Variants in NBEA observed in about 807,000 individuals in gnomAD.
The protein encoded by NBEA is lysosomal-trafficking regulator 2.
A neutral mutation model predicts 343.4 loss-of-function variants in NBEA; 44 were observed. The observed-to-expected ratio is 0.13, with a 90% confidence interval of 0.10 to 0.16. The LOEUF (loss-of-function observed/expected upper bound fraction) is 0.16, where lower values mean the gene tolerates loss of function less well. Among genes scored for constraint, NBEA ranks in the 10% least tolerant of loss-of-function variants. The pLI is 1.00. For synonymous variants in NBEA, 1,175 were observed against 1,238.7 expected, an observed-to-expected ratio of 0.95 and a Z score of 1.08; for missense variants, 2,555 against 3,631.3, an observed-to-expected ratio of 0.70 and a Z score of 7.62.
chr13:35,506,009 A>G (rs996825877), intron 41 of NBEA, among the ~76,000 whole-genome samples: 2 of 152,178 alleles, frequency 1.3e-5, no homozygotes, highest in Admixed American at 1.3e-4. Flanking sequence ...CACCAGATCC[A>G]TACTAATTCA....
intron 1 of NBEA, among the ~76,000 whole-genome samples, chr13:34,995,843 A>G (rs1377642412): frequency 6.6e-6 from 1 of 152,218 alleles, no homozygotes; most frequent in Non-Finnish European, 1.5e-5. Context: ...ATTTTATTTA[A>G]CAGGTTAAAA....
At chr13:35,602,383 C>G (rs2082093664) in intron 47 of NBEA, among the ~76,000 whole-genome samples, 1 of 152,178 alleles carries the variant, frequency 6.6e-6, no homozygotes, top group Non-Finnish European at 1.5e-5. Flanking sequence ...CTACTTCTCC[C>G]TAGACTTCTT....
At chr13:35,392,778 A>G (rs1261191471) in intron 38 of NBEA, among the ~76,000 whole-genome samples, 1 of 152,172 alleles carries the variant, frequency 6.6e-6, no homozygotes, top group East Asian at 1.9e-4. Context: ...CTTTGAATAA[A>G]TGGGACTTTT....
chr13:35,002,307 G>A (rs1566147190), intron 1 of NBEA, among the ~76,000 whole-genome samples: 1 of 152,076 alleles, frequency 6.6e-6, no homozygotes, highest in Non-Finnish European at 1.5e-5. Flanking sequence ...GTCCTACAAT[G>A]GGGAAAAATT....
chr13:35,624,950 A>T (rs924165245), intron 48 of NBEA, among the ~76,000 whole-genome samples: 2 of 152,074 alleles, frequency 1.3e-5, no homozygotes, highest in Non-Finnish European at 2.9e-5. Flanking sequence ...TACACAGTAA[A>T]GATAATACCA....
chr13:35,041,592 T>C (rs1226555195), intron 2 of NBEA, among the ~76,000 whole-genome samples: 1 of 152,058 alleles, frequency 6.6e-6, no homozygotes, highest in African/African-American at 2.4e-5. Context: ...CAGGAGGTAC[T>C]AAAAGCCTTA....
At chr13:35,468,108 A>ACCCCCCCC (rs1346379931) in intron 40 of NBEA, among the ~76,000 whole-genome samples, 5 of 81,232 alleles carry the variant, frequency 6.2e-5, no homozygotes, top group Non-Finnish European at 1.0e-4. Context: ...AATGATTTAC[A>ACCCCCCCC]CCCCCCCCCC....
In NBEA at chr13:35,452,379, A is replaced by G. The variant is rs2046352771; in HGVS notation, c.6448+144A>G. Reference sequence around the variant, plus strand: ...GAATGTTAAAACTCTACTTTATCTCATTTCTAATATTGAAGAGAGAACCCC... The same window carrying G: ...GAATGTTAAAACTCTACTTTATCTCGTTTCTAATATTGAAGAGAGAACCCC... On this transcript the variant is annotated intron_variant, in intron 40 of 58. Transcript: ENST00000379939. 9 of 642,624 alleles carry G rather than the reference A, an allele frequency of 1.4e-5. No homozygotes were observed. The South Asian group carries it at 1.9e-4, about 13-fold the overall frequency. The allele number at this position is 642,624 out of a possible 1,614,324, so 39.8% of individuals were successfully genotyped here.
Position 35,531,197 on chromosome 13 carries a change from G to GA in NBEA, c.6586-19269dup, listed in dbSNP as rs926244575. Among the ~76,000 whole-genome samples the GA allele has an allele frequency of 7.5e-4, 110 of 147,004 alleles. 1 individual carries two copies. Among genetic ancestry groups the GA allele is most frequent in the African/African-American group, 2.3e-3 (92 of 40,140 alleles). On this transcript the variant is annotated intron_variant, in intron 41 of 58. Coordinates refer to ENST00000379939, the MANE Select transcript of NBEA (RefSeq NM_001385012.1). ...ACTTTTAGAACTGCAGAATTGGAAA[G>GA]AAAAAAAAAAATCTTCAGCCAAGAA...
chr13:35,125,745 T>C (rs2067092449), intron 17 of NBEA, among the ~76,000 whole-genome samples: 1 of 152,130 alleles, frequency 6.6e-6, no homozygotes, highest in Admixed American at 6.5e-5. Context: ...AGTACATGAA[T>C]AGCACTTAGC....
At chr13:35,528,541 A>T (rs559911931) in intron 41 of NBEA, among the ~76,000 whole-genome samples, 1 of 152,292 alleles carries the variant, frequency 6.6e-6, no homozygotes, top group East Asian at 1.9e-4. Flanking sequence ...ACAGGAGAAA[A>T]ATTGTCTTAG....
chr13:35,082,788 G>A (rs2064492326), intron 10 of NBEA, among the ~76,000 whole-genome samples: 2 of 151,948 alleles, frequency 1.3e-5, no homozygotes, highest in South Asian at 4.2e-4. Context: ...TTGTAAATTT[G>A]TTTGAGTTCA....
chr13:35,104,248 TC>T (rs1331809478), intron 11 of NBEA, among the ~76,000 whole-genome samples: 1 of 151,924 alleles, frequency 6.6e-6, no homozygotes, highest in African/African-American at 2.4e-5. Flanking sequence ...AGAAATATTC[TC>T]CGATCATTCT....
chr13:35,542,936 A>G (rs1032227457), intron 41 of NBEA, among the ~76,000 whole-genome samples: 13 of 151,778 alleles, frequency 8.6e-5, no homozygotes, highest in Non-Finnish European at 1.5e-4. Flanking sequence ...CCTTCCCCCA[A>G]ATTTACCTAA....
chr13:35,566,960 C>T lies in NBEA; in HGVS notation c.6978C>T (p.Asn2326=). 2 of 1,613,006 alleles carry T rather than the reference C, an allele frequency of 1.2e-6. No homozygotes were observed. The highest frequency in any genetic ancestry group is 1.7e-6 in the Non-Finnish European group (2 of 1,179,222). The change falls in exon 45 of 59, where the codon AAC becomes AAT. Residue 2326 remains asparagine, a synonymous_variant. Coordinates refer to ENST00000379939, the MANE Select transcript of NBEA (RefSeq NM_001385012.1). ...CAGTGTTTCCGTGGGTGTTAACCAACTATGAATCAGAAGAGTTGGACCTGA... is the reference window on the plus strand; with the variant it reads ...CAGTGTTTCCGTGGGTGTTAACCAATTATGAATCAGAAGAGTTGGACCTGA... ...QYPVFPWVLT[N]YESEELDLTL...
In NBEA at chr13:35,654,800, T is replaced by C. The variant is rs1298962151; in HGVS notation, c.8036-55T>C. The C allele has an allele frequency of 5.5e-6, 8 of 1,444,950 alleles. No individual in the cohort carries two copies. In the African/African-American group the frequency reaches 1.2e-4, roughly 21 times the overall value. 89.5% of individuals were successfully genotyped at this position (1,444,950 alleles called of 1,614,324 possible). A position where few individuals can be genotyped will look rare whatever the true frequency, so the allele number is the denominator to read the frequency against. ...AGTATTGTTTTCCTTCTTTGAGTGC[T>C]TGGCAAAACTCATATGGAATCTTTC... On this transcript the variant is annotated intron_variant, in intron 53 of 58. Transcript: ENST00000379939.
At chr13:35,601,761 C>CAAAAA (rs869213180) in intron 47 of NBEA, among the ~76,000 whole-genome samples, 6 of 114,912 alleles carry the variant, frequency 5.2e-5, no homozygotes, top group African/African-American at 1.1e-4. Context: ...GACTCCATCG[C>CAAAAA]AAAAAAAAAA....
chr13:35,550,899 C>G (rs763191421), intron 42 of NBEA, 31 bp from the exon 43 acceptor site: 4 of 1,422,146 alleles, frequency 2.8e-6, no homozygotes, highest in Non-Finnish European at 3.0e-6. Context: ...CTGCGGTTTT[C>G]TAAACTCTGT....
At chr13:35,567,640 C>G (rs567809658) in intron 45 of NBEA, among the ~76,000 whole-genome samples, 2 of 152,322 alleles carry the variant, frequency 1.3e-5, no homozygotes, top group African/African-American at 2.4e-5. Context: ...TCTAAGCTTA[C>G]GCCAGAGGCC....
Sources: gnomAD v4.1 joint callset for allele counts (sites outside exome capture counted in the v4.1 genomes callset) on GRCh38, gnomAD v4.1.1 for gene constraint, MANE v1.5 for transcripts, NCBI Gene and HGNC (gene_info 2026-07-23, HGNC 2026-07-21) for gene names.